KCNQ3: variants seen among roughly 807,000 people sequenced by gnomAD.
KCNQ3 encodes potassium voltage-gated channel subfamily KQT member 3.
In KCNQ3, 30 loss-of-function variants were observed where a neutral mutation model predicts 92.5. The ratio of observed to expected loss-of-function variants is 0.32; its 90% confidence interval spans 0.24 to 0.44. The LOEUF (loss-of-function observed/expected upper bound fraction) is 0.44, where lower values mean the gene tolerates loss of function less well. KCNQ3 is among the 20% of genes least tolerant of loss of function. The probability of loss-of-function intolerance (pLI) is 1.00; values close to 1 mark genes in which losing one functional copy is unlikely to be tolerated. For missense variants in KCNQ3, 913 were observed against 1,140.3 expected (o/e 0.80, Z 2.87); for synonymous variants, 450 against 468.8 (o/e 0.96, Z 0.52).
intron 1 of KCNQ3, among the ~76,000 whole-genome samples, chr8:132,365,681 C>T (rs761326479): frequency 6.6e-6 from 1 of 152,130 alleles, no homozygotes; most frequent in Non-Finnish European, 1.5e-5. Flanking sequence ...TAAATGTAAA[C>T]AGAATCTGGA....
chr8:132,412,274 C>T (rs1027946304), intron 1 of KCNQ3, among the ~76,000 whole-genome samples: 3 of 152,128 alleles, frequency 2.0e-5, no homozygotes, highest in Admixed American at 6.5e-5. Context: ...TCCCCCCACC[C>T]GCCGGCCCCA....
chr8:132,217,769 T>C lies in KCNQ3; in HGVS notation c.387-31588A>G, dbSNP rs10094874. Among the ~76,000 whole-genome samples, 618 of 146,586 alleles carry C rather than the reference T, an allele frequency of 4.2e-3. 6 individuals are homozygous for C. The highest frequency in any genetic ancestry group is 0.025 in the Middle Eastern group (7 of 280). On this transcript the variant is annotated intron_variant, in intron 1 of 14. Transcript: ENST00000388996. ...GTCTGAACTATTGAGTATCTTTCAA[T>C]AAGTGCATTTTGATGACTTTCCAGC... is the stretch of plus-strand genomic sequence containing the variant.
At position 132,169,965 on chromosome 8, in the gene KCNQ3, T is replaced by C. The variant is rs185104273; in HGVS notation, c.1235+369A>G. 3.3e-5 allele frequency among the ~76,000 whole-genome samples: 5 copies of C among 152,216 alleles called. No homozygotes were observed. The East Asian group carries it at 5.8e-4, about 18-fold the overall frequency. ...CTCTGGTCACAGAACCTCCATTTCC[T>C]GGGTTCAAGCAATTCTCCTGCCTCA... is the stretch of plus-strand genomic sequence containing the variant. On this transcript the variant is annotated intron_variant, in intron 8 of 14. Coordinates refer to ENST00000388996, the MANE Select transcript of KCNQ3 (RefSeq NM_004519.4).
In KCNQ3 at chr8:132,456,901, C is replaced by T. The variant is rs561426511; in HGVS notation, c.386+23246G>A. Among the ~76,000 whole-genome samples the T allele has an allele frequency of 7.2e-4, 110 of 152,314 alleles. 1 individual carries two copies. Among genetic ancestry groups the T allele is most frequent in the Non-Finnish European group, 1.5e-4 (10 of 68,032 alleles). ...GTGCTGGGATTATAGGCATAAGCCA[C>T]CGCGCCTGGCTGACTTTCTTAAAGT... On this transcript the variant is annotated intron_variant, in intron 1 of 14. Coordinates refer to ENST00000388996, the MANE Select transcript of KCNQ3 (RefSeq NM_004519.4).
At chr8:132,414,021 G>T (rs1199419667) in intron 1 of KCNQ3, among the ~76,000 whole-genome samples, 2 of 152,198 alleles carry the variant, frequency 1.3e-5, no homozygotes, top group African/African-American at 2.4e-5. Flanking sequence ...GTGCAGCCTG[G>T]AGAAGCACCC....
chr8:132,197,934 G>A (rs1227567495), intron 1 of KCNQ3, among the ~76,000 whole-genome samples: 1 of 152,212 alleles, frequency 6.6e-6, no homozygotes, highest in East Asian at 1.9e-4. Flanking sequence ...GAGTCCAGCT[G>A]TGGCAAGTAC....
At chr8:132,175,407 C>T (rs1402947102) in intron 5 of KCNQ3, 46 bp downstream of exon 5, 6 of 1,607,238 alleles carry the variant, frequency 3.7e-6, no homozygotes, top group Non-Finnish European at 5.1e-6. Context: ...CTCTCTGACT[C>T]TTGACAGTCA....
intron 1 of KCNQ3, among the ~76,000 whole-genome samples, chr8:132,197,543 A>G (rs1390303191): frequency 2.6e-5 from 4 of 152,206 alleles, no homozygotes; most frequent in Admixed American, 6.5e-5. Context: ...TGGCCACACT[A>G]AGTGGGCAGG....
At chr8:132,172,502 T>C in intron 7 of KCNQ3, 96 bp downstream of exon 7, 2 of 1,130,056 alleles carry the variant, frequency 1.8e-6, no homozygotes, top group Non-Finnish European at 2.7e-6. Context: ...GTATGTCCCC[T>C]CCACATGTGC....
At chr8:132,332,840 C>G (rs544962042) in intron 1 of KCNQ3, among the ~76,000 whole-genome samples, 1 of 152,250 alleles carries the variant, frequency 6.6e-6, no homozygotes, top group East Asian at 1.9e-4. Context: ...GGACACCTCC[C>G]TGGTGCAGAA....
chr8:132,437,174 G>A (rs1158831471), intron 1 of KCNQ3, among the ~76,000 whole-genome samples: 2 of 151,838 alleles, frequency 1.3e-5, no homozygotes, highest in African/African-American at 4.8e-5. Flanking sequence ...AGCTACTCGG[G>A]AGGCTGAGGC....
chr8:132,247,817 G>A (rs1309451684), intron 1 of KCNQ3, among the ~76,000 whole-genome samples: 5 of 151,132 alleles, frequency 3.3e-5, no homozygotes, highest in Admixed American at 3.3e-4. Flanking sequence ...AAAAAAGACA[G>A]AATATTTCAT....
intron 3 of KCNQ3, among the ~76,000 whole-genome samples, chr8:132,182,729 T>C (rs960391302): frequency 1.3e-5 from 2 of 151,696 alleles, no homozygotes; most frequent in Non-Finnish European, 2.9e-5. Context: ...AGAAGAAAAA[T>C]AAGTCTGCTT....
intron 1 of KCNQ3, among the ~76,000 whole-genome samples, chr8:132,359,131 AG>A (rs986920581): frequency 2.1e-4 from 32 of 152,228 alleles, no homozygotes; most frequent in Non-Finnish European, 1.5e-5. Flanking sequence ...TATAATTGGG[AG>A]GGTCAAATAC....
intron 1 of KCNQ3, among the ~76,000 whole-genome samples, chr8:132,416,843 G>C (rs539294579): frequency 1.3e-5 from 2 of 152,192 alleles, no homozygotes; most frequent in Non-Finnish European, 2.9e-5. Context: ...GGTAAGTGCA[G>C]TAGGCTTTGT....
intron 4 of KCNQ3, among the ~76,000 whole-genome samples, chr8:132,177,931 T>C (rs902238828): frequency 2.6e-5 from 4 of 152,206 alleles, no homozygotes; most frequent in African/African-American, 9.6e-5. Context: ...AATCTAAGTC[T>C]ATGTGCAGAG....
At position 132,480,362 on chromosome 8, in the gene KCNQ3, G is replaced by C. The variant is rs758097251; in HGVS notation, c.171C>G (p.Leu57=). Residue 57 remains leucine, a synonymous_variant, in exon 1 of 15, where the codon CTC becomes CTG. Transcript: ENST00000388996. The part of the protein sequence containing the change: ...PGDVEQVTLA[L]GAGADKDGTL... ...TCCCGTCTTTGTCGGCTCCGGCCCC[G>C]AGCGCCAAGGTGACTTGCTCCACGT... 7 of 1,588,372 alleles carry C rather than the reference G, an allele frequency of 4.4e-6. No homozygotes were observed. The African/African-American group carries it at 5.4e-5, about 12-fold the overall frequency.
At chr8:132,361,826 T>C (rs1819182445) in intron 1 of KCNQ3, among the ~76,000 whole-genome samples, 1 of 152,182 alleles carries the variant, frequency 6.6e-6, no homozygotes, top group African/African-American at 2.4e-5. Flanking sequence ...TGTCCATTCG[T>C]ATGTGTAAAA....
chr8:132,273,765 C>A (rs1360945879), intron 1 of KCNQ3, among the ~76,000 whole-genome samples: 3 of 152,206 alleles, frequency 2.0e-5, no homozygotes, highest in African/African-American at 7.2e-5. Flanking sequence ...CTGCCAGATA[C>A]TCTAAATAAA....
Sources: allele counts gnomAD v4.1 joint callset (sites outside exome capture counted in the v4.1 genomes callset), GRCh38; gene constraint gnomAD v4.1.1; transcripts MANE v1.5; gene names NCBI Gene and HGNC (gene_info 2026-07-23, HGNC 2026-07-21).